The following GSK3B variants were observed in gnomAD, a reference collection of about 807,000 sequenced individuals.
GSK3B encodes the protein glycogen synthase kinase 3 beta.
In GSK3B, 15 loss-of-function variants were observed where a neutral mutation model predicts 56.4. The ratio of observed to expected loss-of-function variants is 0.27; its 90% CI spans 0.18 to 0.41. GSK3B has a LOEUF of 0.41. Among genes scored for constraint, GSK3B ranks in the 10% least tolerant of loss-of-function variants. GSK3B has a pLI of 1.00. For missense variants in GSK3B, 300 were observed against 513.4 expected, an observed-to-expected ratio of 0.58 and a Z score of 4.02; for synonymous variants, 181 against 188.9, an observed-to-expected ratio of 0.96 and a Z score of 0.34.
chr3:119,849,181 T>C (rs544733570), intron 9 of GSK3B, among the ~76,000 whole-genome samples: 1 of 152,306 alleles, frequency 6.6e-6, no homozygotes, highest in South Asian at 2.1e-4. Context: ...TAAAAGCATC[T>C]AAAATAGAAA....
chr3:119,863,615 A>C lies in GSK3B; in HGVS notation c.910-10T>G, dbSNP rs935218324. ...TTCGGGGTCGGAAGACCTGCAGTAC[A>C]AAAAAAGGGAAAGAACAATTAATGT... On this transcript the variant is annotated splice_polypyrimidine_tract_variant and intron_variant, in intron 8 of 10. Transcript: ENST00000264235. The C allele has an allele frequency of 6.5e-7, 1 of 1,533,742 alleles. No individual in the cohort carries two copies. The highest frequency in any genetic ancestry group is 9.0e-7 in the Non-Finnish European group (1 of 1,110,680).
At chr3:119,928,789 G>A (rs1032454340) in intron 3 of GSK3B, among the ~76,000 whole-genome samples, 5 of 151,942 alleles carry the variant, frequency 3.3e-5, no homozygotes, top group Non-Finnish European at 7.4e-5. Context: ...TAGGAGTTAT[G>A]TAACTATGAG....
chr3:120,027,113 G>A (rs1248245744), intron 1 of GSK3B, among the ~76,000 whole-genome samples: 8 of 149,960 alleles, frequency 5.3e-5, no homozygotes, highest in South Asian at 2.1e-4. Context: ...GGTGGCTCAC[G>A]CCTGTGATCC....
chr3:119,861,520 A>AC (rs112420933), intron 9 of GSK3B, among the ~76,000 whole-genome samples: 64 of 151,878 alleles, frequency 4.2e-4, no homozygotes, highest in African/African-American at 1.4e-3. Flanking sequence ...CAAAAAAAAA[A>AC]AAAACAAAAC....
At chr3:119,901,751 G>T (rs945080779) in intron 7 of GSK3B, among the ~76,000 whole-genome samples, 1 of 151,900 alleles carries the variant, frequency 6.6e-6, no homozygotes, top group Non-Finnish European at 1.5e-5. Flanking sequence ...GGTGCCCTCA[G>T]ATATTAAAAC....
intron 8 of GSK3B, among the ~76,000 whole-genome samples, chr3:119,865,458 ATATATATATTTTTT>A (rs1194373260): frequency 2.4e-4 from 5 of 20,696 alleles, no homozygotes; most frequent in African/African-American, 3.3e-4. Context: ...ATATATATAT[ATATATATATTTTTT>A]TTTTTTTTTT....
chr3:119,939,319 G>T (rs192634874), intron 3 of GSK3B, among the ~76,000 whole-genome samples: 1 of 152,080 alleles, frequency 6.6e-6, no homozygotes, highest in African/African-American at 2.4e-5. Context: ...GTAAGGTCAC[G>T]ATATAGATGT....
intron 3 of GSK3B, among the ~76,000 whole-genome samples, chr3:119,932,878 G>A (rs139456214): frequency 2.0e-5 from 3 of 152,228 alleles, no homozygotes; most frequent in East Asian, 1.9e-4. Flanking sequence ...GGGAGGCTGA[G>A]GCTGAGTTCA....
intron 7 of GSK3B, among the ~76,000 whole-genome samples, chr3:119,902,126 T>A (rs1022877210): frequency 6.6e-6 from 1 of 152,158 alleles, no homozygotes; most frequent in Non-Finnish European, 1.5e-5. Flanking sequence ...TTCAAATCTA[T>A]TCTTAAAGTC....
chr3:120,059,815 T>C (rs1054954686), intron 1 of GSK3B, among the ~76,000 whole-genome samples: 1 of 152,214 alleles, frequency 6.6e-6, no homozygotes, highest in South Asian at 2.1e-4. Context: ...TGCCTATAAA[T>C]TTAACTCTAT....
chr3:119,865,887 T>TA (rs1224666360), intron 8 of GSK3B, among the ~76,000 whole-genome samples: 1 of 152,138 alleles, frequency 6.6e-6, no homozygotes, highest in Non-Finnish European at 1.5e-5. Context: ...TCCTAACTCA[T>TA]AAAGTTCAAG....
At chr3:120,063,442 G>T (rs1486467130) in intron 1 of GSK3B, among the ~76,000 whole-genome samples, 3 of 152,048 alleles carry the variant, frequency 2.0e-5, no homozygotes, top group Non-Finnish European at 4.4e-5. Flanking sequence ...AAAAATCAGT[G>T]CTGGCCGGGT....
At chr3:120,052,303 G>A (rs1045306747) in intron 1 of GSK3B, among the ~76,000 whole-genome samples, 19 of 152,160 alleles carry the variant, frequency 1.2e-4, no homozygotes, top group Admixed American at 1.2e-3. Context: ...TCTTTTAAGA[G>A]CACAAGTCTC....
At chr3:119,990,680 G>C in intron 2 of GSK3B, among the ~76,000 whole-genome samples, 1 of 152,192 alleles carries the variant, frequency 6.6e-6, no homozygotes, top group East Asian at 1.9e-4. Context: ...TGTAATCCCA[G>C]CACTTTGGGA....
intron 1 of GSK3B, among the ~76,000 whole-genome samples, chr3:120,047,182 C>A (rs958476876): frequency 2.0e-5 from 3 of 152,166 alleles, no homozygotes; most frequent in Non-Finnish European, 4.4e-5. Context: ...ACCAAACTGT[C>A]TTATAAGTAA....
chr3:119,927,739 T>C (rs567272172), intron 3 of GSK3B, among the ~76,000 whole-genome samples: 1 of 152,134 alleles, frequency 6.6e-6, no homozygotes, highest in East Asian at 1.9e-4. Flanking sequence ...GAGAATAGAC[T>C]TGTTCACCTA....
chr3:119,994,224 T>TCAATGAGTC (rs2057593568), intron 2 of GSK3B, among the ~76,000 whole-genome samples: 1 of 151,924 alleles, frequency 6.6e-6, no homozygotes, highest in South Asian at 2.1e-4. Context: ...AAAATGAGAG[T>TCAATGAGTC]CAATGAGTCC....
chr3:119,993,694 T>A (rs895194633), intron 2 of GSK3B, among the ~76,000 whole-genome samples: 1 of 152,090 alleles, frequency 6.6e-6, no homozygotes, highest in African/African-American at 2.4e-5. Flanking sequence ...AATATAGAAA[T>A]AAAGAAGGCT....
chr3:120,080,275 A>G (rs976809044), intron 1 of GSK3B, among the ~76,000 whole-genome samples: 3 of 151,976 alleles, frequency 2.0e-5, no homozygotes, highest in African/African-American at 7.3e-5. Flanking sequence ...TGATAAACAG[A>G]GCAAGATTCT....
Sources: allele counts gnomAD v4.1 joint callset (sites outside exome capture counted in the v4.1 genomes callset), GRCh38; gene constraint gnomAD v4.1.1; transcripts MANE v1.5; gene names NCBI Gene and HGNC (gene_info 2026-07-23, HGNC 2026-07-21).